The following KDM4C variants were observed in gnomAD, a reference collection of about 807,000 sequenced individuals.
The protein encoded by KDM4C is lysine-specific demethylase 4C.
Under a neutral mutation model 129.3 loss-of-function variants are expected in KDM4C, and 81 were observed. The ratio of observed to expected loss-of-function variants is 0.63; its 90% CI spans 0.52 to 0.75. The LOEUF is 0.75. Among genes scored for constraint, KDM4C ranks in the 30% least tolerant of loss-of-function variants. The pLI, the probability that KDM4C is intolerant of heterozygous loss-of-function variation, is 0.00. For synonymous variants in KDM4C, 573 were observed against 456.1 expected (o/e 1.26, Z -3.26); for missense variants, 1,457 against 1,304.0 (o/e 1.12, Z -1.81).
chr9:7,024,459 A>C (rs1825448280), intron 15 of KDM4C, among the ~76,000 whole-genome samples: 1 of 151,746 alleles, frequency 6.6e-6, no homozygotes, highest in South Asian at 2.1e-4. Flanking sequence ...CATTAGGTAT[A>C]TCACCTAATG....
intron 1 of KDM4C, among the ~76,000 whole-genome samples, chr9:6,768,129 G>A (rs1050050671): frequency 6.6e-6 from 1 of 151,976 alleles, no homozygotes; most frequent in Non-Finnish European, 1.5e-5. Flanking sequence ...TCAGTCGACC[G>A]AGAGTGTCAG....
intron 3 of KDM4C, among the ~76,000 whole-genome samples, chr9:6,814,364 CTT>C (rs1030855646): frequency 1.3e-5 from 2 of 152,016 alleles, no homozygotes; most frequent in Non-Finnish European, 2.9e-5. Context: ...GAAATAATGA[CTT>C]TTAAACTGCT....
At chr9:7,080,585 G>A (rs1364519154) in intron 17 of KDM4C, among the ~76,000 whole-genome samples, 1 of 152,182 alleles carries the variant, frequency 6.6e-6, no homozygotes, top group Non-Finnish European at 1.5e-5. Flanking sequence ...AAACAAGTCT[G>A]TTTTGGCAGA....
intron 12 of KDM4C, among the ~76,000 whole-genome samples, chr9:7,004,985 C>T (rs1407296245): frequency 6.6e-6 from 1 of 152,176 alleles, no homozygotes; most frequent in African/African-American, 2.4e-5. Context: ...TACTTAGTCA[C>T]AGCCATGGCC....
intron 8 of KDM4C, chr9:6,924,918 T>G (rs7852078): frequency 0.29 from 286,836 of 983,614 alleles, 43,825 homozygotes; most frequent in Middle Eastern, 0.32. Context: ...GTACAGCCTT[T>G]AGTTCTAATA....
upstream of KDM4C, among the ~76,000 whole-genome samples, chr9:6,753,812 C>T (rs1818151793): frequency 6.8e-6 from 1 of 147,908 alleles, no homozygotes; most frequent in South Asian, 2.2e-4. Flanking sequence ...AAGTAACATA[C>T]ATATTTGATA....
At chr9:6,864,523 A>G (rs897929036) in intron 5 of KDM4C, among the ~76,000 whole-genome samples, 1 of 151,970 alleles carries the variant, frequency 6.6e-6, no homozygotes, top group Non-Finnish European at 1.5e-5. Flanking sequence ...TAACTTTTCT[A>G]TACCTGGTGT....
At chr9:7,032,943 T>C (rs949185944) in intron 15 of KDM4C, among the ~76,000 whole-genome samples, 4 of 152,248 alleles carry the variant, frequency 2.6e-5, no homozygotes, top group African/African-American at 9.6e-5. Context: ...TACTCTAGGT[T>C]CTGCCTAGAG....
chr9:6,964,901 C>T (rs1192928787), intron 8 of KDM4C, among the ~76,000 whole-genome samples: 2 of 151,876 alleles, frequency 1.3e-5, no homozygotes, highest in Non-Finnish European at 2.9e-5. Flanking sequence ...TTGCAGTGAG[C>T]CGAGATCGCG....
chr9:7,080,301 A>G (rs1161562289), intron 17 of KDM4C, among the ~76,000 whole-genome samples: 2 of 152,206 alleles, frequency 1.3e-5, no homozygotes, highest in Non-Finnish European at 2.9e-5. Context: ...AAGAGACCCT[A>G]GAGCCCAAAT....
chr9:6,907,167 ATATTGT>A (rs1818465978), intron 8 of KDM4C, among the ~76,000 whole-genome samples: 1 of 152,246 alleles, frequency 6.6e-6, no homozygotes, highest in Non-Finnish European at 1.5e-5. Flanking sequence ...TCTTCAAAAT[ATATTGT>A]TATGTGACAA....
At chr9:6,774,156 G>A (rs1822511134) in intron 1 of KDM4C, among the ~76,000 whole-genome samples, 1 of 151,938 alleles carries the variant, frequency 6.6e-6, no homozygotes, top group South Asian at 2.1e-4. Flanking sequence ...CCAAAGTGCT[G>A]GGATTACAGG....
At chr9:6,809,388 A>G (rs976235794) in intron 3 of KDM4C, among the ~76,000 whole-genome samples, 1 of 152,208 alleles carries the variant, frequency 6.6e-6, no homozygotes, top group Non-Finnish European at 1.5e-5. Flanking sequence ...GTTTTCTGTT[A>G]CTGTGTTTTA....
intron 1 of KDM4C, among the ~76,000 whole-genome samples, chr9:6,772,664 A>T (rs1168241717): frequency 2.4e-5 from 3 of 122,890 alleles, no homozygotes; most frequent in African/African-American, 6.2e-5. Context: ...CCTGGCACAG[A>T]TTATTTTCTT....
chr9:7,138,657 A>T (rs1587831193), intron 19 of KDM4C, among the ~76,000 whole-genome samples: 1 of 151,940 alleles, frequency 6.6e-6, no homozygotes, highest in Admixed American at 6.6e-5. Flanking sequence ...TTTACAAAAA[A>T]ATTTAAAAAA....
At chr9:6,971,042 C>T (rs925052342) in intron 8 of KDM4C, among the ~76,000 whole-genome samples, 1 of 151,860 alleles carries the variant, frequency 6.6e-6, no homozygotes, top group Non-Finnish European at 1.5e-5. Context: ...CAGCGCATTC[C>T]TTTTTTTTAA....
intron 17 of KDM4C, among the ~76,000 whole-genome samples, chr9:7,096,178 TG>T (rs1204735306): frequency 2.6e-5 from 4 of 152,206 alleles, no homozygotes; most frequent in African/African-American, 9.6e-5. Context: ...GGTAAGTGAT[TG>T]ATTTTTTTTC....
intron 8 of KDM4C, among the ~76,000 whole-genome samples, chr9:6,910,912 G>T (rs963417779): frequency 6.6e-6 from 1 of 152,210 alleles, no homozygotes; most frequent in African/African-American, 2.4e-5. Context: ...TTATTGATAT[G>T]TGTAGATAGA....
At chr9:6,901,062 C>G (rs774698321) in intron 8 of KDM4C, among the ~76,000 whole-genome samples, 1 of 151,786 alleles carries the variant, frequency 6.6e-6, no homozygotes, top group Non-Finnish European at 1.5e-5. Context: ...ACTAAAGGCT[C>G]TATTCTAGAC....
Sources: allele counts gnomAD v4.1 joint callset (sites outside exome capture counted in the v4.1 genomes callset), GRCh38; gene constraint gnomAD v4.1.1; transcripts MANE v1.5; gene names NCBI Gene and HGNC (gene_info 2026-07-23, HGNC 2026-07-21).